Variants in UXS1 observed in about 807,000 individuals in gnomAD.
The protein encoded by UXS1 is UDP-glucuronate decarboxylase 1.
A neutral mutation model predicts 62.6 loss-of-function variants in UXS1; 33 were observed. The observed-to-expected ratio is 0.53, with a 90% CI of 0.40 to 0.70. The LOEUF is 0.70. Ranked by LOEUF, UXS1 falls within the 30% of genes least tolerant of loss-of-function variation. UXS1 has a pLI of 0.00. For synonymous variants in UXS1, 213 were observed against 206.8 expected, an observed-to-expected ratio of 1.03 and a Z score of -0.26; for missense variants, 434 against 556.3, an observed-to-expected ratio of 0.78 and a Z score of 2.21.
intron 1 of UXS1, among the ~76,000 whole-genome samples, chr2:106,193,246 T>C (rs1169513031): frequency 6.6e-6 from 1 of 152,182 alleles, no homozygotes; most frequent in Non-Finnish European, 1.5e-5. Flanking sequence ...GGTGATTTCA[T>C]TTCAGTGTGT....
chr2:106,187,970 G>A (rs545010095), intron 1 of UXS1, among the ~76,000 whole-genome samples: 7 of 152,056 alleles, frequency 4.6e-5, no homozygotes, highest in Admixed American at 2.0e-4. Flanking sequence ...TCAAACTCCC[G>A]ATCTCAGGTG....
At chr2:106,187,634 G>C (rs750587868) in intron 1 of UXS1, among the ~76,000 whole-genome samples, 2 of 151,884 alleles carry the variant, frequency 1.3e-5, no homozygotes, top group Non-Finnish European at 2.9e-5. Flanking sequence ...AAGTAACACT[G>C]ACAGGAAAGA....
intron 4 of UXS1, among the ~76,000 whole-genome samples, chr2:106,163,296 C>T (rs944147084): frequency 3.4e-5 from 5 of 145,888 alleles, no homozygotes; most frequent in African/African-American, 7.7e-5. Flanking sequence ...ACACCATAGG[C>T]TCCACATCCT....
intron 7 of UXS1, among the ~76,000 whole-genome samples, chr2:106,126,310 A>G (rs1327144202): frequency 6.6e-6 from 1 of 152,154 alleles, no homozygotes; most frequent in Non-Finnish European, 1.5e-5. Context: ...AAACTCATTC[A>G]CAGAGTCCCA....
intron 6 of UXS1, among the ~76,000 whole-genome samples, chr2:106,143,148 A>G (rs76783320): frequency 0.015 from 2,286 of 152,004 alleles, 63 homozygotes; most frequent in African/African-American, 0.052. Context: ...GAGTAGTAAT[A>G]TTAATAGGTA....
At chr2:106,102,654 T>A (rs1481460409) in intron 11 of UXS1, 1 of 152,178 alleles carries the variant, frequency 6.6e-6, no homozygotes, top group African/African-American at 2.4e-5. Context: ...TCAGACTCCC[T>A]GCACTGTTGT....
At chr2:106,112,533 T>C (rs1056027696) in intron 10 of UXS1, 113 bp downstream of exon 10, 13 of 1,474,454 alleles carry the variant, frequency 8.8e-6, no homozygotes, top group East Asian at 7.4e-5. Flanking sequence ...CGGGTATACA[T>C]GGCAGCTTCA....
At chr2:106,188,539 AGAG>A (rs1684722164) in intron 1 of UXS1, among the ~76,000 whole-genome samples, 1 of 152,232 alleles carries the variant, frequency 6.6e-6, no homozygotes. Context: ...GGTCTCTGAC[AGAG>A]GAGCCCAGAT....
chr2:106,094,212 C>CGCAGGAAGTGCGTGCCACCTT, intron 14 of UXS1, 55 bp from the exon 15 acceptor site: 2 of 1,186,126 alleles, frequency 1.7e-6, no homozygotes, highest in Non-Finnish European at 2.4e-6. Flanking sequence ...AGAAGGGCAT[C>CGCAGGAAGTGCGTGCCACCTT]GCAGGAAGGA....
At chr2:106,127,525 T>C (rs1336936637) in intron 7 of UXS1, among the ~76,000 whole-genome samples, 1 of 152,154 alleles carries the variant, frequency 6.6e-6, no homozygotes, top group Non-Finnish European at 1.5e-5. Context: ...CAGAGACAAC[T>C]GTCAGGGAGT....
chr2:106,193,292 G>A (rs1032138703), intron 1 of UXS1, among the ~76,000 whole-genome samples: 2 of 152,094 alleles, frequency 1.3e-5, no homozygotes, highest in Admixed American at 1.3e-4. Context: ...AGCTCACACT[G>A]GGAGCTATTT....
intron 1 of UXS1, among the ~76,000 whole-genome samples, chr2:106,171,799 C>T (rs1023947733): frequency 1.2e-4 from 18 of 152,338 alleles, no homozygotes; most frequent in African/African-American, 4.3e-4. Context: ...ATCACTATTT[C>T]AAACTGGAAA....
chr2:106,112,894 C>G (rs190847207), intron 9 of UXS1, 129 bp from the exon 10 acceptor site: 2 of 1,394,440 alleles, frequency 1.4e-6, no homozygotes, highest in Non-Finnish European at 1.9e-6. Context: ...ATGGAAATGG[C>G]TTTTTTGTTC....
intron 1 of UXS1, among the ~76,000 whole-genome samples, chr2:106,168,441 T>C (rs1683346640): frequency 6.6e-6 from 1 of 152,216 alleles, no homozygotes. Flanking sequence ...CCCTCAGAAC[T>C]GACCTCTCTA....
At chr2:106,119,749 G>A (rs901534357) in intron 9 of UXS1, among the ~76,000 whole-genome samples, 4 of 152,178 alleles carry the variant, frequency 2.6e-5, no homozygotes, top group Non-Finnish European at 2.9e-5. Flanking sequence ...AATGTGGCAG[G>A]AGGTGCTTGG....
At chr2:106,152,579 A>T (rs1682119413) in intron 5 of UXS1, among the ~76,000 whole-genome samples, 1 of 151,110 alleles carries the variant, frequency 6.6e-6, no homozygotes, top group Non-Finnish European at 1.5e-5. Flanking sequence ...AAGGAAGGAA[A>T]GGAAAGAAAG....
At chr2:106,097,493 G>A (rs1002694064) in intron 13 of UXS1, 1 of 336,386 alleles carries the variant, frequency 3.0e-6, no homozygotes, top group Non-Finnish European at 6.0e-6. Flanking sequence ...ACCACCACAG[G>A]TGGTTCAGGA....
chr2:106,163,761 A>C, intron 3 of UXS1, 51 bp from the exon 4 acceptor site: 1 of 1,144,658 alleles, frequency 8.7e-7, no homozygotes, highest in Non-Finnish European at 1.2e-6. Flanking sequence ...ACAGTTCTCA[A>C]CCCCTTTCAC....
chr2:106,154,642 C>T (rs538387561), intron 5 of UXS1, among the ~76,000 whole-genome samples: 76 of 152,312 alleles, frequency 5.0e-4, no homozygotes, highest in South Asian at 1.9e-3. Context: ...TTTCAGACTT[C>T]TAGCTTCTAG....
Sources: gnomAD v4.1 joint callset for allele counts (sites outside exome capture counted in the v4.1 genomes callset) on GRCh38, gnomAD v4.1.1 for gene constraint, MANE v1.5 for transcripts, NCBI Gene and HGNC (gene_info 2026-07-23, HGNC 2026-07-21) for gene names.